The following LRP1B variants were observed in gnomAD, a reference collection of about 807,000 sequenced individuals.
LRP1B encodes low-density lipoprotein receptor-related protein 1B.
LRP1B carries 217 observed loss-of-function variants against 556.6 expected under a neutral mutation model. The observed-to-expected ratio is 0.39, with a 90% CI of 0.35 to 0.44. LRP1B has a LOEUF of 0.44. Among genes scored for constraint, LRP1B ranks in the 20% least tolerant of loss-of-function variants. LRP1B has a pLI of 1.00. For synonymous variants in LRP1B, 2,047 were observed against 1,865.8 expected, an observed-to-expected ratio of 1.10 and a Z score of -2.50; for missense variants, 5,053 against 5,620.8, an observed-to-expected ratio of 0.90 and a Z score of 3.23.
At chr2:140,876,887 A>G (rs13013928) in intron 25 of LRP1B, among the ~76,000 whole-genome samples, 26,061 of 152,132 alleles carry the variant, frequency 0.17, 2,504 homozygotes, top group Non-Finnish European at 0.21. Flanking sequence ...ATTTGTCTTT[A>G]GTGAAAATGG....
chr2:141,872,595 T>G (rs1698623623), intron 1 of LRP1B, among the ~76,000 whole-genome samples: 1 of 146,910 alleles, frequency 6.8e-6, no homozygotes, highest in African/African-American at 2.5e-5. Flanking sequence ...AATTTAACAT[T>G]TTTAAAAACA....
rs1337872263 is a variant in LRP1B at position 141,102,897 on chromosome 2, T to C, written c.1014-40624A>G. ...TTAGTAGTGAAACCCAAGTGAAATGTTTACTTCTTAAACATCAGCACCAAT... is the reference window on the plus strand; with the variant it reads ...TTAGTAGTGAAACCCAAGTGAAATGCTTACTTCTTAAACATCAGCACCAAT... On this transcript the variant is annotated intron_variant, in intron 7 of 90. Coordinates refer to ENST00000389484, the MANE Select transcript of LRP1B (RefSeq NM_018557.3). Among the ~76,000 whole-genome samples the C allele has an allele frequency of 2.0e-5, 3 of 152,098 alleles. No individual in the cohort carries two copies. In the East Asian group the frequency reaches 5.8e-4, roughly 29 times the overall value.
intron 7 of LRP1B, among the ~76,000 whole-genome samples, chr2:141,121,162 A>AG (rs1284847739): frequency 3.9e-5 from 6 of 152,184 alleles, no homozygotes; most frequent in Non-Finnish European, 8.8e-5. Context: ...AAATGAAAAA[A>AG]TTAAGAGTAA....
At chr2:142,118,068 C>T (rs1238196518) in intron 1 of LRP1B, among the ~76,000 whole-genome samples, 2 of 152,096 alleles carry the variant, frequency 1.3e-5, no homozygotes, top group Admixed American at 6.6e-5. Flanking sequence ...AGAAAAGTTG[C>T]CAATCATTTT....
intron 2 of LRP1B, among the ~76,000 whole-genome samples, chr2:141,807,881 G>T (rs1696215159): frequency 6.6e-6 from 1 of 152,054 alleles, no homozygotes; most frequent in South Asian, 2.1e-4. Flanking sequence ...GTACACTGGT[G>T]TGGGCCTTCT....
At chr2:141,716,991 T>A (rs1052528492) in intron 2 of LRP1B, among the ~76,000 whole-genome samples, 16 of 152,128 alleles carry the variant, frequency 1.1e-4, no homozygotes, top group African/African-American at 3.9e-4. Context: ...CAATTCAGAG[T>A]TGCTCCTGTT....
At chr2:141,683,408 T>A (rs1002341272) in intron 2 of LRP1B, among the ~76,000 whole-genome samples, 3 of 152,128 alleles carry the variant, frequency 2.0e-5, no homozygotes, top group African/African-American at 7.2e-5. Context: ...GGTGAAAATA[T>A]AGATTTTAAA....
intron 11 of LRP1B, 137 bp from the exon 12 acceptor site, chr2:141,020,239 A>G (rs1487522726): frequency 2.0e-6 from 1 of 496,636 alleles, no homozygotes; most frequent in East Asian, 3.3e-5. Flanking sequence ...TTATGGTGTA[A>G]TTTTTGCAAA....
rs554203233 is a variant in LRP1B, at chr2:141,994,565, A to G, written c.82+136083T>C. On this transcript the variant is annotated intron_variant, in intron 1 of 90. Transcript: ENST00000389484. ...GCATGTTGTGTATTTACATGTATGT[A>G]TATCTATCTCTATCTCTCTATTGGA... 8.5e-5 allele frequency among the ~76,000 whole-genome samples: 13 copies of G among 152,210 alleles called. No homozygotes were observed. In the South Asian group the frequency reaches 2.5e-3, roughly 29 times the overall value.
chr2:141,898,753 C>T (rs1699531286), intron 1 of LRP1B, among the ~76,000 whole-genome samples: 1 of 152,050 alleles, frequency 6.6e-6, no homozygotes. Context: ...AGTGTTACAT[C>T]CTTATTATCA....
chr2:141,727,903 C>T (rs1187723887), intron 2 of LRP1B, among the ~76,000 whole-genome samples: 2 of 151,830 alleles, frequency 1.3e-5, no homozygotes, highest in South Asian at 2.1e-4. Context: ...AAGAGAGGAC[C>T]AAAGAGGAGG....
intron 3 of LRP1B, among the ~76,000 whole-genome samples, chr2:141,334,748 C>T (rs1261705208): frequency 3.3e-5 from 5 of 152,250 alleles, no homozygotes; most frequent in East Asian, 1.9e-4. Context: ...GACAGGGTTT[C>T]GCCATATTAG....
chr2:141,057,654 A>G (rs969082549), intron 9 of LRP1B, among the ~76,000 whole-genome samples: 2 of 151,844 alleles, frequency 1.3e-5, no homozygotes, highest in Admixed American at 1.3e-4. Context: ...GGCTATCCAC[A>G]TAAGATGTGA....
chr2:141,150,149 T>A (rs887550226), intron 7 of LRP1B, among the ~76,000 whole-genome samples: 5 of 152,180 alleles, frequency 3.3e-5, no homozygotes, highest in African/African-American at 1.2e-4. Context: ...AAGGATCTAC[T>A]GAACTGTTTT....
At chr2:141,222,740 A>G (rs1044062715) in intron 6 of LRP1B, among the ~76,000 whole-genome samples, 1 of 152,188 alleles carries the variant, frequency 6.6e-6, no homozygotes, top group African/African-American at 2.4e-5. Flanking sequence ...GAACATATGC[A>G]AATCAATGAA....
chr2:140,854,535 A>C (rs1267829813), intron 27 of LRP1B, among the ~76,000 whole-genome samples: 7 of 152,204 alleles, frequency 4.6e-5, no homozygotes, highest in African/African-American at 1.7e-4. Context: ...CAAGTGCTTG[A>C]ACACAGCTAC....
At chr2:141,613,281 T>A (rs936091137) in intron 2 of LRP1B, among the ~76,000 whole-genome samples, 3 of 152,176 alleles carry the variant, frequency 2.0e-5, no homozygotes, top group African/African-American at 7.2e-5. Flanking sequence ...TTAGGTCCTG[T>A]AGTCATTGAC....
chr2:141,352,437 C>A (rs1688479636), intron 3 of LRP1B, among the ~76,000 whole-genome samples: 1 of 151,688 alleles, frequency 6.6e-6, no homozygotes, highest in Non-Finnish European at 1.5e-5. Context: ...AATGATAGTA[C>A]AGAGTTTTCA....
At chr2:142,021,432 A>C (rs947280158) in intron 1 of LRP1B, among the ~76,000 whole-genome samples, 9 of 152,164 alleles carry the variant, frequency 5.9e-5, no homozygotes, top group Non-Finnish European at 1.0e-4. Context: ...ACAGATGAGC[A>C]CAAAAGTACT....
Sources: allele counts gnomAD v4.1 joint callset (sites outside exome capture counted in the v4.1 genomes callset), GRCh38; gene constraint gnomAD v4.1.1; transcripts MANE v1.5; gene names NCBI Gene and HGNC (gene_info 2026-07-23, HGNC 2026-07-21).